The following DCC variants were observed in gnomAD, a reference collection of about 807,000 sequenced individuals.
DCC encodes netrin receptor DCC.
In DCC, 58 loss-of-function variants were observed where a neutral mutation model predicts 172.5. The ratio of observed to expected loss-of-function variants is 0.34; its 90% CI spans 0.27 to 0.42. DCC has a LOEUF of 0.42. Ranked by LOEUF, DCC falls within the 10% of genes least tolerant of loss-of-function variation. DCC has a pLI of 1.00. For synonymous variants in DCC, 709 were observed against 644.5 expected (o/e 1.10, Z -1.52); for missense variants, 1,740 against 1,791.0 (o/e 0.97, Z 0.51).
At chr18:52,388,474 C>T (rs1431420323) in intron 1 of DCC, among the ~76,000 whole-genome samples, 3 of 151,814 alleles carry the variant, frequency 2.0e-5, no homozygotes, top group African/African-American at 7.3e-5. Context: ...AATTAAACTA[C>T]TATTGCAGAA....
Position 52,644,784 on chromosome 18 carries a change from GA to G in DCC, c.92-107267del, listed in dbSNP as rs1555708525. The stretch of plus-strand genomic sequence containing the variant: ...AGAGAGAAGGAAGAAAGGAAAGAAG[GA>G]AAGAAGGAAAGAAGGAAGGAAGGAA... On this transcript the variant is annotated intron_variant, in intron 1 of 28. Transcript: ENST00000442544. Among the ~76,000 whole-genome samples, 13 of 37,310 alleles carry G rather than the reference GA, an allele frequency of 3.5e-4. No individual in the cohort carries two copies. In the South Asian group the frequency reaches 6.1e-3, roughly 17 times the overall value. 24.5% of individuals were successfully genotyped at this position (37,310 alleles called of 152,430 possible). A position where few individuals can be genotyped will look rare whatever the true frequency, so the allele number is the denominator to read the frequency against.
Position 52,861,667 on chromosome 18 carries a change from A to C in DCC, c.413-44377A>C, listed in dbSNP as rs182167430. Among the ~76,000 whole-genome samples the C allele has an allele frequency of 6.5e-5, 6 of 91,704 alleles. No homozygotes were observed. The East Asian group carries it at 1.2e-3, about 18-fold the overall frequency. 60.2% of individuals were successfully genotyped at this position (91,704 alleles called of 152,430 possible). On this transcript the variant is annotated intron_variant, in intron 2 of 28. Coordinates refer to ENST00000442544, the MANE Select transcript of DCC (RefSeq NM_005215.4). ...TAATATTCCAAACAAAAATCATTTA[A>C]AAAAAGCGTTTAAGTCCTATGTCAG...
intron 24 of DCC, among the ~76,000 whole-genome samples, chr18:53,462,986 A>G (rs1322823488): frequency 6.6e-6 from 1 of 152,242 alleles, no homozygotes. Context: ...CTGCTTAGAT[A>G]GACTCGGGGT....
intron 12 of DCC, among the ~76,000 whole-genome samples, chr18:53,255,000 C>T (rs552116161): frequency 6.6e-6 from 1 of 151,952 alleles, no homozygotes; most frequent in Non-Finnish European, 1.5e-5. Context: ...CCCAGTTGTT[C>T]AGGTAACTGC....
chr18:53,466,883 A>C (rs1245737747), intron 24 of DCC, among the ~76,000 whole-genome samples: 1 of 152,196 alleles, frequency 6.6e-6, no homozygotes, highest in African/African-American at 2.4e-5. Flanking sequence ...GGATGTGTGG[A>C]CAGAGTTAGA....
At chr18:52,725,234 G>T (rs2036534184) in intron 1 of DCC, among the ~76,000 whole-genome samples, 1 of 152,184 alleles carries the variant, frequency 6.6e-6, no homozygotes, top group South Asian at 2.1e-4. Flanking sequence ...CAGAAAGTTG[G>T]TGTGTGCCAG....
In DCC at chr18:53,135,773, G is replaced by A. The variant is rs1384335100; in HGVS notation, c.1262-21583G>A. 3.9e-5 allele frequency among the ~76,000 whole-genome samples: 6 copies of A among 152,036 alleles called. No individual in the cohort carries two copies. The East Asian group carries it at 1.2e-3, about 29-fold the overall frequency. The stretch of plus-strand genomic sequence containing the variant: ...AATAACAGAATTTCATTTCCTAAGG[G>A]AACATTTGAGAGTGATTGAATCACC... On this transcript the variant is annotated intron_variant, in intron 7 of 28. Transcript: ENST00000442544.
At chr18:53,428,957 TTA>T (rs1444841729) in intron 21 of DCC, among the ~76,000 whole-genome samples, 1 of 30,582 alleles carries the variant, frequency 3.3e-5, no homozygotes, top group African/African-American at 7.5e-5. Flanking sequence ...ATATAACATA[TTA>T]TATTTTATAT....
At chr18:53,135,172 C>T (rs78617703) in intron 7 of DCC, among the ~76,000 whole-genome samples, 1,782 of 152,154 alleles carry the variant, frequency 0.012, 24 homozygotes, top group African/African-American at 0.032. Context: ...AACAGACTGA[C>T]GGGAAAACTA....
chr18:53,415,372 C>T (rs1910249318), intron 20 of DCC, among the ~76,000 whole-genome samples: 1 of 152,006 alleles, frequency 6.6e-6, no homozygotes, highest in Admixed American at 6.6e-5. Context: ...AAAAATAATT[C>T]TACTAGTAAT....
At chr18:52,689,677 A>G (rs2035899711) in intron 1 of DCC, among the ~76,000 whole-genome samples, 1 of 152,100 alleles carries the variant, frequency 6.6e-6, no homozygotes. Context: ...AGAAAATGCA[A>G]ATTAGAAAAT....
chr18:52,556,134 C>A (rs2032907841), intron 1 of DCC, among the ~76,000 whole-genome samples: 1 of 151,594 alleles, frequency 6.6e-6, no homozygotes, highest in Admixed American at 6.6e-5. Flanking sequence ...AGATGTAGCC[C>A]CTAAATACCA....
intron 15 of DCC, among the ~76,000 whole-genome samples, chr18:53,373,468 A>G (rs1428404271): frequency 6.6e-6 from 1 of 152,112 alleles, no homozygotes; most frequent in African/African-American, 2.4e-5. Flanking sequence ...AGCTATATTT[A>G]TTTATAATCA....
intron 2 of DCC, among the ~76,000 whole-genome samples, chr18:52,762,136 C>T (rs1229876379): frequency 6.6e-6 from 1 of 152,004 alleles, no homozygotes; most frequent in African/African-American, 2.4e-5. Context: ...GCATGTCTAC[C>T]TTCAGAATCC....
At chr18:52,480,238 T>A (rs190439086) in intron 1 of DCC, among the ~76,000 whole-genome samples, 8 of 151,560 alleles carry the variant, frequency 5.3e-5, no homozygotes, top group Non-Finnish European at 8.8e-5. Flanking sequence ...GCTAAATAAT[T>A]TATTAAATAA....
intron 18 of DCC, among the ~76,000 whole-genome samples, chr18:53,401,293 C>G (rs971254999): frequency 6.6e-6 from 1 of 152,066 alleles, no homozygotes; most frequent in Non-Finnish European, 1.5e-5. Context: ...CTCCTTCATT[C>G]CCCCCTCCTC....
At chr18:52,885,375 G>A (rs1800640481) in intron 2 of DCC, among the ~76,000 whole-genome samples, 1 of 152,046 alleles carries the variant, frequency 6.6e-6, no homozygotes, top group Non-Finnish European at 1.5e-5. Context: ...AACCACAAAA[G>A]AGTCATTCCC....
chr18:52,642,056 GTGTGTGTATA>G (rs2034911714), intron 1 of DCC, among the ~76,000 whole-genome samples: 14 of 5,390 alleles, frequency 2.6e-3, no homozygotes, highest in African/African-American at 5.1e-3. Context: ...ACTGTGGTGT[GTGTGTGTATA>G]TATATATATA....
intron 2 of DCC, among the ~76,000 whole-genome samples, chr18:52,797,855 T>C (rs1473769414): frequency 2.6e-5 from 4 of 152,174 alleles, no homozygotes; most frequent in Admixed American, 2.6e-4. Flanking sequence ...CAGGTGGCAG[T>C]GGCAATGGGA....
Sources: gnomAD v4.1 joint callset for allele counts (sites outside exome capture counted in the v4.1 genomes callset) on GRCh38, gnomAD v4.1.1 for gene constraint, MANE v1.5 for transcripts, NCBI Gene and HGNC (gene_info 2026-07-23, HGNC 2026-07-21) for gene names.